The following KASH5 variants were observed in gnomAD, a reference collection of about 807,000 sequenced individuals.
KASH5 encodes the protein protein KASH5.
KASH5 carries 72 observed loss-of-function variants against 84.2 expected under a neutral mutation model. The ratio of observed to expected loss-of-function variants is 0.85; its 90% CI spans 0.71 to 1.04. The LOEUF (loss-of-function observed/expected upper bound fraction) is 1.04, where lower values mean the gene tolerates loss of function less well. Among genes scored for constraint, KASH5 ranks in the 50% least tolerant of loss-of-function variants. The pLI is 0.00. For missense variants in KASH5, 650 were observed against 701.0 expected, an observed-to-expected ratio of 0.93 and a Z score of 0.82; for synonymous variants, 260 against 279.1, an observed-to-expected ratio of 0.93 and a Z score of 0.68.
intron 2 of KASH5, among the ~76,000 whole-genome samples, chr19:49,391,326 A>C (rs1973998091): frequency 6.6e-6 from 1 of 152,196 alleles, no homozygotes; most frequent in South Asian, 2.1e-4. Context: ...CTGCTAGAGC[A>C]TGAGCTCCAC....
At chr19:49,398,932 C>T in intron 7 of KASH5, 93 bp from the exon 8 acceptor site, 1 of 954,800 alleles carries the variant, frequency 1.0e-6, no homozygotes, top group Non-Finnish European at 1.6e-6. Context: ...CCTGGGATCT[C>T]TCTGTTGCTA....
Position 49,396,246 on chromosome 19 carries a change from T to TTTTG in KASH5, c.400+416_400+417insGTTT, listed in dbSNP as rs1349160698. Among the ~76,000 whole-genome samples the TTTTG allele has an allele frequency of 1.1e-4, 6 of 56,388 alleles. 1 individual carries two copies. Among genetic ancestry groups the TTTTG allele is most frequent in the Non-Finnish European group, 1.2e-4 (3 of 25,782 alleles). 37.0% of individuals were successfully genotyped at this position (56,388 alleles called of 152,430 possible). A position where few individuals can be genotyped will look rare whatever the true frequency, so the allele number is the denominator to read the frequency against. On this transcript the variant is annotated intron_variant, in intron 5 of 19. Transcript: ENST00000447857. ...CCTTGCTCCCCACCCTGCTGGACTT[T>TTTTG]TTTTTTTTTTTTTTTTTTTTTTTTG...
chr19:49,417,605 G>T lies in KASH5; in HGVS notation c.*95G>T. On this transcript the variant is annotated 3_prime_UTR_variant, in exon 20 of 20. Transcript: ENST00000447857. This position sits in a 1 kb window ranked among gnomAD's most constrained non-coding sequence, Gnocchi z 5.2. ...CCCATTGTTAGTCCACTGTTGCGCAGGCTTACCCTAGATAGAGTACAGGGG... is the reference window on the plus strand; with the variant it reads ...CCCATTGTTAGTCCACTGTTGCGCATGCTTACCCTAGATAGAGTACAGGGG... 1 of 1,411,640 alleles carries T rather than the reference G, an allele frequency of 7.1e-7. No individual in the cohort carries two copies. Among genetic ancestry groups the T allele is most frequent in the Non-Finnish European group, 9.3e-7 (1 of 1,073,698 alleles). 87.4% of individuals were successfully genotyped at this position (1,411,640 alleles called of 1,614,324 possible).
At chr19:49,392,344 T>G (rs972766527) in intron 2 of KASH5, among the ~76,000 whole-genome samples, 3 of 151,254 alleles carry the variant, frequency 2.0e-5, no homozygotes, top group African/African-American at 7.3e-5. Context: ...GGGAGAAAGA[T>G]AGAGAGAAAG....
chr19:49,407,126 A>G (rs1016014867), intron 10 of KASH5, 114 bp from the exon 11 acceptor site: 5 of 1,368,474 alleles, frequency 3.7e-6, no homozygotes, highest in Non-Finnish European at 5.1e-6. Context: ...GTCCTGGAAC[A>G]TCTCAGGAGG....
chr19:49,402,099 G>A (rs978180828), intron 9 of KASH5, among the ~76,000 whole-genome samples: 2 of 151,084 alleles, frequency 1.3e-5, no homozygotes, highest in Admixed American at 6.6e-5. Context: ...AAAATCAGCC[G>A]GGTGTGGTGG....
intron 17 of KASH5, 52 bp downstream of exon 17, chr19:49,415,048 G>A: frequency 6.5e-7 from 1 of 1,546,466 alleles, no homozygotes; most frequent in Non-Finnish European, 8.8e-7. Context: ...CACACCCACA[G>A]AGGCTGAGTC....
At chr19:49,415,164 G>C in intron 17 of KASH5, 168 bp downstream of exon 17, 4 of 717,182 alleles carry the variant, frequency 5.6e-6, no homozygotes, top group Non-Finnish European at 9.5e-6. Context: ...GCTAATGAGA[G>C]CGATGGTGAG....
chr19:49,399,501 G>T lies in KASH5; in HGVS notation c.792G>T (p.Gln264His), dbSNP rs372012895. The T allele has an allele frequency of 2.5e-5, 41 of 1,609,492 alleles. No homozygotes were observed. Among genetic ancestry groups the T allele is most frequent in the Non-Finnish European group, 3.3e-5 (39 of 1,178,114 alleles). Residue 264 changes from glutamine (Q) to histidine (H), a missense_variant, in exon 9 of 20, where the codon CAG becomes CAT. Coordinates refer to ENST00000447857, the MANE Select transcript of KASH5 (RefSeq NM_144688.5). The surrounding 1 kb of genome is among the most constrained non-coding windows in gnomAD (Gnocchi z 4.4). The stretch of plus-strand genomic sequence containing the variant: ...TGGTGGCTGAGATGGAGACTCTGCA[G>T]GAGGAGGTGAGCGGAGGCCCAGCAC... ...QHLVAEMETL[Q>H]EENGKLLAER...
chr19:49,415,882 A>G (rs1974889168), intron 17 of KASH5, among the ~76,000 whole-genome samples: 1 of 152,278 alleles, frequency 6.6e-6, no homozygotes, highest in South Asian at 2.1e-4. Context: ...ATTTACTGCC[A>G]TTATCATTGT....
Position 49,417,173 on chromosome 19 carries a change from A to T in KASH5, c.1454A>T (p.Glu485Val). The change falls in exon 19 of 20, where the codon GAA becomes GTA. Residue 485 changes from glutamate to valine, a missense_variant. Glu to Val is a moderately radical substitution (Grantham distance 121). Coordinates refer to ENST00000447857, the MANE Select transcript of KASH5 (RefSeq NM_144688.5). The surrounding 1 kb of genome is among the most constrained non-coding windows in gnomAD (Gnocchi z 5.2). ...ENPPERPARR[E>V]LQQALVPVMK... ...CACCCCAGCAGACCTGCGCGGCGGGAACTCCAGCAAGCCCTGGTGCCTGTG... is the reference window on the plus strand; with the variant it reads ...CACCCCAGCAGACCTGCGCGGCGGGTACTCCAGCAAGCCCTGGTGCCTGTG... The T allele has an allele frequency of 6.2e-7, 1 of 1,613,808 alleles. No individual in the cohort carries two copies. Among genetic ancestry groups the T allele is most frequent in the Non-Finnish European group, 8.5e-7 (1 of 1,179,824 alleles).
intron 1 of KASH5, among the ~76,000 whole-genome samples, chr19:49,389,040 T>G (rs1047749960): frequency 6.8e-6 from 1 of 147,710 alleles, no homozygotes; most frequent in Non-Finnish European, 1.5e-5. Flanking sequence ...ACCCTCCAAA[T>G]CCAGCCAGAG....
At chr19:49,410,334 G>C (rs1421122075) in intron 15 of KASH5, among the ~76,000 whole-genome samples, 3 of 151,850 alleles carry the variant, frequency 2.0e-5, no homozygotes, top group African/African-American at 7.3e-5. Flanking sequence ...GGTTTTTTTT[G>C]TTTTTTGTTT....
At chr19:49,402,453 T>C (rs1974392413) in intron 9 of KASH5, among the ~76,000 whole-genome samples, 1 of 152,018 alleles carries the variant, frequency 6.6e-6, no homozygotes, top group South Asian at 2.1e-4. Context: ...ACGCTTGTAA[T>C]CCCAGCATCT....
chr19:49,408,642 G>A (rs1974608993), intron 12 of KASH5, among the ~76,000 whole-genome samples: 1 of 152,208 alleles, frequency 6.6e-6, no homozygotes, highest in East Asian at 1.9e-4. Context: ...TAGAGACATG[G>A]TTTCACCCTG....
intron 5 of KASH5, among the ~76,000 whole-genome samples, chr19:49,396,259 T>G (rs1020889304): frequency 1.3e-4 from 12 of 95,604 alleles, no homozygotes; most frequent in East Asian, 2.8e-4. Flanking sequence ...TTTTTTTTTT[T>G]TTTTTTTTTT....
intron 17 of KASH5, chr19:49,415,424 C>G (rs896787860): frequency 7.1e-6 from 2 of 283,502 alleles, no homozygotes; most frequent in Non-Finnish European, 1.4e-5. Flanking sequence ...AGGCCAGTTC[C>G]TCTGCTCCTC....
chr19:49,399,150 TGGC>T lies in KASH5; in HGVS notation c.747+9_747+11del, dbSNP rs1221087221. ...GCCCAAGCCCGGCAGGCGGTGGGTC[TGGC>T]CCAGGGGAAGGAAGGTGCCCTCTCT... On this transcript the variant is annotated intron_variant, in intron 8 of 19. Coordinates refer to ENST00000447857, the MANE Select transcript of KASH5 (RefSeq NM_144688.5). The surrounding 1 kb of genome is among the most constrained non-coding windows in gnomAD (Gnocchi z 4.4). 1 of 1,543,108 alleles carries T rather than the reference TGGC, an allele frequency of 6.5e-7. No individual in the cohort carries two copies. Among genetic ancestry groups the T allele is most frequent in the Non-Finnish European group, 8.7e-7 (1 of 1,143,724 alleles).
At chr19:49,400,367 T>TC (rs1568614725) in intron 9 of KASH5, among the ~76,000 whole-genome samples, 1 of 122,346 alleles carries the variant, frequency 8.2e-6, no homozygotes, top group East Asian at 2.3e-4. Context: ...TTTTTTTTTT[T>TC]CTTTTTTTTT....
Sources: gnomAD v4.1 joint callset for allele counts (sites outside exome capture counted in the v4.1 genomes callset) on GRCh38, gnomAD v4.1.1 for gene constraint, Gnocchi (gnomAD v3.1) non-coding constraint, MANE v1.5 for transcripts, NCBI Gene and HGNC (gene_info 2026-07-23, HGNC 2026-07-21) for gene names.